BRPF3: variants seen among roughly 807,000 people sequenced by gnomAD.
BRPF3 encodes bromodomain and PHD finger-containing protein 3.
BRPF3 carries 18 observed loss-of-function variants against 102.0 expected under a neutral mutation model. That is an observed-to-expected ratio of 0.18 (90% confidence interval 0.12 to 0.26). The LOEUF (loss-of-function observed/expected upper bound fraction) is 0.26, where lower values mean the gene tolerates loss of function less well. Among genes scored for constraint, BRPF3 ranks in the 10% least tolerant of loss-of-function variants. The probability of loss-of-function intolerance (pLI) is 1.00; values close to 1 mark genes in which losing one functional copy is unlikely to be tolerated. For synonymous variants in BRPF3, 570 were observed against 614.2 expected, an observed-to-expected ratio of 0.93 and a Z score of 1.06; for missense variants, 1,147 against 1,567.8, an observed-to-expected ratio of 0.73 and a Z score of 4.53.
At chr6:36,212,048 G>A (rs140145789) in intron 7 of BRPF3, among the ~76,000 whole-genome samples, 3 of 152,244 alleles carry the variant, frequency 2.0e-5, no homozygotes, top group African/African-American at 7.2e-5. Context: ...GCCACCTCAT[G>A]GTTTTTACCC....
chr6:36,226,279 T>C (rs964031748), intron 11 of BRPF3, among the ~76,000 whole-genome samples: 1 of 152,244 alleles, frequency 6.6e-6, no homozygotes, highest in African/African-American at 2.4e-5. Flanking sequence ...TTTTGGTTTA[T>C]ACTCACACCA....
rs147640469 is a variant in BRPF3, at chr6:36,211,375, G to A, written c.2297G>A (p.Arg766His). The change falls in exon 7 of 13, where the codon CGT (arginine) becomes CAT (histidine). Residue 766 changes from arginine to histidine, a missense_variant. Transcript: ENST00000357641. ...ATGCGGTCCAGTGGGGCCCGCACCC[G>A]TCGTGTCCGCCTGCTACGCCGGGAG... ...SAMRSSGART[R>H]RVRLLRREIN... 8.7e-6 allele frequency: 14 copies of A among 1,614,108 alleles called. No individual in the cohort carries two copies. The African/African-American group carries it at 9.3e-5, about 11-fold the overall frequency.
Position 36,217,974 on chromosome 6 carries a change from T to G in BRPF3, c.3047T>G (p.Leu1016Trp). ...TESGSDSECS[L>W]GLSGGLAFEA... ...AGCGGGTCTGACTCTGAATGTAGTT[T>G]GGGTCTCAGTGGTGGACTGGCATTT... The change falls in exon 9 of 13, where the codon TTG becomes TGG. Residue 1016 changes from leucine (L) to tryptophan (W), a missense_variant. By Grantham distance (61) the Leu-to-Trp change is moderately conservative. Around this residue, in one of 11 missense-constraint regions of BRPF3, gnomAD observed 379 missense variants for 426.3 expected, o/e 0.89. Coordinates refer to ENST00000357641, the MANE Select transcript of BRPF3 (RefSeq NM_015695.3). 1 of 1,613,704 alleles carries G rather than the reference T, an allele frequency of 6.2e-7. No individual in the cohort carries two copies. The highest frequency in any genetic ancestry group is 1.1e-5 in the South Asian group (1 of 90,990).
chr6:36,207,226 T>C (rs1231122356), intron 3 of BRPF3, 87 bp from the exon 4 acceptor site: 6 of 1,533,824 alleles, frequency 3.9e-6, no homozygotes, highest in South Asian at 3.7e-5. Context: ...ACAAGACTTT[T>C]ACCTGCTGCA....
Position 36,214,250 on chromosome 6 carries a change from C to T in BRPF3, c.2853C>T (p.Gly951=), listed in dbSNP as rs144770202. The T allele has an allele frequency of 6.9e-5, 111 of 1,614,150 alleles. No homozygotes were observed. In the African/African-American group the frequency reaches 7.9e-4, roughly 11 times the overall value. ...QRSPDRVLEN[G]EDHGVAGSPA... Reference sequence around the variant, plus strand: ...GCCCAGACAGGGTCCTGGAGAATGGCGAGGACCATGGTGTGGCAGGCTCTC... The same window carrying T: ...GCCCAGACAGGGTCCTGGAGAATGGTGAGGACCATGGTGTGGCAGGCTCTC... Residue 951 remains glycine, a synonymous_variant, in exon 8 of 13, where the codon GGC becomes GGT. Coordinates refer to ENST00000357641, the MANE Select transcript of BRPF3 (RefSeq NM_015695.3).
chr6:36,198,905 T>G (rs1331942019), intron 1 of BRPF3, among the ~76,000 whole-genome samples: 1 of 152,134 alleles, frequency 6.6e-6, no homozygotes, highest in African/African-American at 2.4e-5. Flanking sequence ...TAGATATGAG[T>G]GTTCTGGGAG....
At chr6:36,213,384 T>C (rs1768200551) in intron 7 of BRPF3, among the ~76,000 whole-genome samples, 1 of 152,190 alleles carries the variant, frequency 6.6e-6, no homozygotes, top group Non-Finnish European at 1.5e-5. Flanking sequence ...TGAGAACTAC[T>C]AGTGTAGATA....
intron 4 of BRPF3, among the ~76,000 whole-genome samples, chr6:36,208,150 A>G (rs1283826634): frequency 6.6e-6 from 1 of 152,248 alleles, no homozygotes; most frequent in Non-Finnish European, 1.5e-5. Context: ...AGTGCCTGGC[A>G]CATAGTAACA....
At position 36,200,280 on chromosome 6, in the gene BRPF3, T is replaced by C. The variant is rs760338400; in HGVS notation, c.-26-17T>C. The C allele has an allele frequency of 3.2e-6, 5 of 1,575,122 alleles. No homozygotes were observed. Among genetic ancestry groups the C allele is most frequent in the African/African-American group, 1.4e-5 (1 of 73,734 alleles). ...TAAGGGCATCCAACTCATAGTCTCC[T>C]GGCCTTCTCTCCTTAGGCCTGTCCC... On this transcript the variant is annotated splice_polypyrimidine_tract_variant and intron_variant, in intron 1 of 12. Coordinates refer to ENST00000357641, the MANE Select transcript of BRPF3 (RefSeq NM_015695.3). This position sits in a 1 kb window ranked among gnomAD's most constrained non-coding sequence, Gnocchi z 5.3.
chr6:36,221,353 C>T (rs1486821295), intron 9 of BRPF3, among the ~76,000 whole-genome samples: 2 of 126,478 alleles, frequency 1.6e-5, no homozygotes, highest in Non-Finnish European at 3.1e-5. Context: ...GTAGCATGAT[C>T]TTGGGTCACT....
At chr6:36,225,445 T>C in intron 11 of BRPF3, 81 bp downstream of exon 11, 1 of 1,295,894 alleles carries the variant, frequency 7.7e-7, no homozygotes, top group Non-Finnish European at 1.1e-6. Flanking sequence ...GCCAGCAGAG[T>C]GTGGTGGGAG....
chr6:36,204,558 T>G (rs1767835467), intron 2 of BRPF3, 100 bp from the exon 3 acceptor site: 1 of 1,392,214 alleles, frequency 7.2e-7, no homozygotes, highest in African/African-American at 1.4e-5. Context: ...TGTCTTCCTG[T>G]ATAAGGTTCA....
rs993689313 is a variant in BRPF3 at position 36,200,157 on chromosome 6, CA to C, written c.-26-138del. ...GAAAGACTCAAAGGAAGTGAAGGAG[CA>C]AGCCATGTGGATGCCTGAGGGGCAA... On this transcript the variant is annotated intron_variant, in intron 1 of 12. Coordinates refer to ENST00000357641, the MANE Select transcript of BRPF3 (RefSeq NM_015695.3). The surrounding 1 kb of genome is among the most constrained non-coding windows in gnomAD (Gnocchi z 5.3). 4.8e-6 allele frequency: 5 copies of C among 1,031,294 alleles called. No individual in the cohort carries two copies. Among genetic ancestry groups the C allele is most frequent in the Non-Finnish European group, 6.7e-6 (5 of 743,276 alleles). 63.9% of individuals were successfully genotyped at this position (1,031,294 alleles called of 1,614,324 possible). A position where few individuals can be genotyped will look rare whatever the true frequency, so the allele number is the denominator to read the frequency against.
rs1767688705 is a variant in BRPF3 at position 36,201,289 on chromosome 6, C to T, written c.967C>T (p.Leu323=). ...IDNIPPARWK[L]TCYICKQKGL... is the part of the protein sequence containing the mutation. ...CAATATCCCGCCTGCCCGCTGGAAACTAACCTGCTATATCTGCAAGCAGAA... is the reference window on the plus strand; with the variant it reads ...CAATATCCCGCCTGCCCGCTGGAAATTAACCTGCTATATCTGCAAGCAGAA... The change falls in exon 2 of 13, where the codon CTA becomes TTA. Residue 323 remains leucine (L), a synonymous_variant. Coordinates refer to ENST00000357641, the MANE Select transcript of BRPF3 (RefSeq NM_015695.3). The surrounding 1 kb of genome is among the most constrained non-coding windows in gnomAD (Gnocchi z 5.1). The T allele has an allele frequency of 6.2e-7, 1 of 1,614,186 alleles. No individual in the cohort carries two copies. Among genetic ancestry groups the T allele is most frequent in the South Asian group, 1.1e-5 (1 of 91,084 alleles).
At position 36,230,592 on chromosome 6, in the gene BRPF3, A is replaced by G; in HGVS notation, c.3601A>G (p.Thr1201Ala). The G allele has an allele frequency of 3.1e-6, 5 of 1,613,168 alleles. No individual in the cohort carries two copies. The highest frequency in any genetic ancestry group is 1.1e-5 in the South Asian group (1 of 91,052). ...AGTCCGGGGGCCCCACTCCTTCGTCACTTCCAGCTACCTGTAAGGGCAGGG... is the reference window on the plus strand; with the variant it reads ...AGTCCGGGGGCCCCACTCCTTCGTCGCTTCCAGCTACCTGTAAGGGCAGGG... ...SRVRGPHSFV[T>A]SSYL The change falls in exon 13 of 13, where the codon ACT becomes GCT. Residue 1201 changes from threonine (T) to alanine (A), a missense_variant. Physicochemically the swap from Thr to Ala is moderately conservative, Grantham distance 58. Transcript: ENST00000357641. The surrounding 1 kb of genome is among the most constrained non-coding windows in gnomAD (Gnocchi z 5.4).
chr6:36,222,189 C>T lies in BRPF3; in HGVS notation c.3105C>T (p.Arg1035=). The T allele has an allele frequency of 6.4e-7, 1 of 1,550,448 alleles. No individual in the cohort carries two copies. Among genetic ancestry groups the T allele is most frequent in the East Asian group, 2.4e-5 (1 of 40,952 alleles). ...EACSGLTPPK[R]SRGKPALSRV... is the part of the protein sequence containing the mutation. Reference sequence around the variant, plus strand: ...GCAGTGGTCTGACGCCCCCCAAACGCAGCCGTGGGAAGCCAGCCCTGTCTC... The same window carrying T: ...GCAGTGGTCTGACGCCCCCCAAACGTAGCCGTGGGAAGCCAGCCCTGTCTC... The change falls in exon 10 of 13, where the codon CGC becomes CGT. Residue 1035 remains arginine (R), a synonymous_variant. Coordinates refer to ENST00000357641, the MANE Select transcript of BRPF3 (RefSeq NM_015695.3).
intron 3 of BRPF3, among the ~76,000 whole-genome samples, chr6:36,206,111 G>A (rs1318522796): frequency 6.6e-6 from 1 of 152,138 alleles, no homozygotes; most frequent in Non-Finnish European, 1.5e-5. Context: ...CAGCTCTCCT[G>A]CTCATCCATG....
At chr6:36,214,462 A>T in intron 8 of BRPF3, 76 bp downstream of exon 8, 1 of 1,466,352 alleles carries the variant, frequency 6.8e-7, no homozygotes, top group South Asian at 1.4e-5. Flanking sequence ...CACCTTCCCC[A>T]ATTGGCCATC....
At chr6:36,212,230 C>G (rs1423418239) in intron 7 of BRPF3, among the ~76,000 whole-genome samples, 1 of 152,196 alleles carries the variant, frequency 6.6e-6, no homozygotes, top group African/African-American at 2.4e-5. Flanking sequence ...ATAAGCTAAG[C>G]TGCTTCTCAT....
Sources: gnomAD v4.1 joint callset for allele counts (sites outside exome capture counted in the v4.1 genomes callset) on GRCh38, gnomAD v4.1.1 for gene constraint, gnomAD v4.1.1 regional missense constraint, Gnocchi (gnomAD v3.1) non-coding constraint, MANE v1.5 for transcripts, NCBI Gene and HGNC (gene_info 2026-07-23, HGNC 2026-07-21) for gene names.